SYTL5: variants seen among roughly 807,000 people sequenced by gnomAD.
SYTL5 encodes synaptotagmin-like protein 5.
Under a neutral mutation model 55.9 loss-of-function variants are expected in SYTL5, and 34 were observed. The ratio of observed to expected loss-of-function variants is 0.61; its 90% CI spans 0.46 to 0.81. The LOEUF is 0.81. SYTL5 is among the 30% of genes least tolerant of loss of function. The pLI is 0.00. For synonymous variants in SYTL5, 221 were observed against 188.7 expected, an observed-to-expected ratio of 1.17 and a Z score of -1.40; for missense variants, 637 against 546.7, an observed-to-expected ratio of 1.17 and a Z score of -1.65.
chrX:37,943,857 T>C, the SYTL5 span, among the ~76,000 whole-genome samples: 810 of 111,207 alleles, frequency 7.3e-3, 6 homozygotes, highest in Non-Finnish European at 0.012. Flanking sequence ...AGCTGAAGCA[T>C]AAGCCTAAAC....
At chrX:37,991,104 G>A in the SYTL5 span, 1 of 1,211,736 alleles carries the variant, frequency 8.3e-7, no homozygotes, top group Non-Finnish European at 1.1e-6. Flanking sequence ...GGAGAGAGAA[G>A]TGGACAACAA....
chrX:37,968,439 G>A, the SYTL5 span, among the ~76,000 whole-genome samples: 1 of 111,455 alleles, frequency 9.0e-6, no homozygotes, highest in Non-Finnish European at 1.9e-5. Flanking sequence ...AAAGGGGGTT[G>A]GGTCTGTAAG....
At chrX:38,085,558 G>A (rs1321359768) in intron 6 of SYTL5, among the ~76,000 whole-genome samples, 1 of 111,897 alleles carries the variant, frequency 8.9e-6, no homozygotes, top group Non-Finnish European at 1.9e-5. Flanking sequence ...CATATTCATT[G>A]TAGATCCAAA....
chrX:38,101,230 T>C (rs1196270693), intron 9 of SYTL5, among the ~76,000 whole-genome samples: 1 of 111,269 alleles, frequency 9.0e-6, no homozygotes, highest in African/African-American at 3.3e-5. Flanking sequence ...ATATTAATTA[T>C]TCCCGAGGGG....
At chrX:38,120,565 C>A in intron 14 of SYTL5, 99 bp downstream of exon 14, 1 of 644,228 alleles carries the variant, frequency 1.6e-6, no homozygotes, top group Non-Finnish European at 2.5e-6. Flanking sequence ...TTTCATATTA[C>A]ACAAACAAAA....
chrX:38,115,751 C>T (rs1235035384), intron 13 of SYTL5, among the ~76,000 whole-genome samples: 1 of 111,519 alleles, frequency 9.0e-6, no homozygotes, highest in Admixed American at 9.5e-5. Flanking sequence ...TGTTAAGATC[C>T]TTTCCCCATT....
Position 38,126,709 on chromosome X carries a change from C to T in SYTL5, c.2172C>T (p.Ser724=), listed in dbSNP as rs1363855172. ...AGGGTGTACTCATGCTTCGTTCCAG[C>T]ATGGGAAAATGTAGGCTCTAAAGGG... ...PFEGVLMLRS[S]MGKCRL is the part of the protein sequence containing the mutation. The change falls in exon 17 of 17, where the codon AGC becomes AGT. Residue 724 remains serine (S), a synonymous_variant. Transcript: ENST00000297875. 2 of 1,209,478 alleles carry T rather than the reference C, an allele frequency of 1.7e-6. No individual in the cohort carries two copies. Among genetic ancestry groups the T allele is most frequent in the Non-Finnish European group, 2.2e-6 (2 of 894,548 alleles).
chrX:38,015,803 T>C (rs749930526), intron 1 of SYTL5, among the ~76,000 whole-genome samples: 86 of 111,217 alleles, frequency 7.7e-4, no homozygotes, highest in African/African-American at 2.7e-3. Flanking sequence ...ACAGAATCCC[T>C]GGGGTCTTAA....
In SYTL5 at chrX:38,091,694, A is replaced by T. The variant is rs1936802795; in HGVS notation, c.831+2107A>T. ...ATTTAACATCTAGTACAGTTGTCCC[A>T]GTGGGTAGCAGCTGACAATCAGTCC... On this transcript the variant is annotated intron_variant, in intron 7 of 16. Transcript: ENST00000297875. Among the ~76,000 whole-genome samples the T allele has an allele frequency of 2.7e-5, 3 of 111,924 alleles. No homozygotes were observed. The Admixed American group carries it at 2.8e-4, about 11-fold the overall frequency.
At chrX:37,959,559 T>C in the SYTL5 span, among the ~76,000 whole-genome samples, 4 of 111,722 alleles carry the variant, frequency 3.6e-5, no homozygotes, top group African/African-American at 6.5e-5. Flanking sequence ...AGGTTAGTTA[T>C]TGGAGGTAGG....
chrX:38,019,698 T>G (rs750231096), intron 1 of SYTL5, among the ~76,000 whole-genome samples: 1 of 111,506 alleles, frequency 9.0e-6, no homozygotes, highest in African/African-American at 3.3e-5. Context: ...GGCGTGTTCT[T>G]GGCTCACTGC....
chrX:37,960,802 A>ATTTTTTTT, the SYTL5 span, among the ~76,000 whole-genome samples: 16 of 86,232 alleles, frequency 1.9e-4, no homozygotes, highest in African/African-American at 7.5e-4. Flanking sequence ...TTATTTATTT[A>ATTTTTTTT]TTTATTTATT....
intron 13 of SYTL5, among the ~76,000 whole-genome samples, chrX:38,113,802 G>T (rs1207333459): frequency 1.8e-5 from 2 of 111,494 alleles, no homozygotes; most frequent in Non-Finnish European, 3.8e-5. Context: ...GCTAGAGAGG[G>T]CTTGGTTTGC....
the SYTL5 span, among the ~76,000 whole-genome samples, chrX:37,964,001 T>C: frequency 8.9e-6 from 1 of 112,004 alleles, no homozygotes; most frequent in Non-Finnish European, 1.9e-5. Flanking sequence ...TCCTTTATTC[T>C]GTCAATGCAG....
chrX:38,036,658 C>G (rs1428995663), intron 2 of SYTL5, among the ~76,000 whole-genome samples: 5 of 112,091 alleles, frequency 4.5e-5, no homozygotes, highest in Non-Finnish European at 9.4e-5. Flanking sequence ...CTCTTAACAG[C>G]TTGGTGTATT....
At chrX:38,043,659 A>ATGTG (rs1476044901) in intron 2 of SYTL5, among the ~76,000 whole-genome samples, 40 of 58,611 alleles carry the variant, frequency 6.8e-4, no homozygotes, top group African/African-American at 3.4e-3. Flanking sequence ...GTATGTATGT[A>ATGTG]TGTATATATA....
intron 5 of SYTL5, among the ~76,000 whole-genome samples, chrX:38,074,987 T>C (rs896204082): frequency 2.7e-5 from 3 of 110,944 alleles, no homozygotes; most frequent in African/African-American, 9.8e-5. Flanking sequence ...GTTTCTTTGC[T>C]TCTGTGTTGC....
intron 9 of SYTL5, among the ~76,000 whole-genome samples, chrX:38,101,184 A>G (rs1225873920): frequency 1.8e-5 from 2 of 111,513 alleles, no homozygotes; most frequent in Non-Finnish European, 3.8e-5. Flanking sequence ...TAAACTATAA[A>G]TAAAAGCAAG....
the SYTL5 span, among the ~76,000 whole-genome samples, chrX:37,948,855 C>T: frequency 1.6e-4 from 18 of 111,342 alleles, no homozygotes; most frequent in South Asian, 3.7e-4. Flanking sequence ...CACTTAGTTT[C>T]GCTATTGTGA....
Sources: allele counts gnomAD v4.1 joint callset (sites outside exome capture counted in the v4.1 genomes callset), GRCh38; gene constraint gnomAD v4.1.1; transcripts MANE v1.5; gene names NCBI Gene and HGNC (gene_info 2026-07-23, HGNC 2026-07-21).